KAZN: variants seen among roughly 807,000 people sequenced by gnomAD.
KAZN encodes kazrin, periplakin interacting protein, also known as kazrin.
A neutral mutation model predicts 87.4 loss-of-function variants in KAZN; 40 were observed. The observed-to-expected ratio is 0.46, with a 90% confidence interval of 0.36 to 0.60. The LOEUF is 0.60. Among genes scored for constraint, KAZN ranks in the 20% least tolerant of loss-of-function variants. The probability of loss-of-function intolerance (pLI) is 0.00; values close to 1 mark genes in which losing one functional copy is unlikely to be tolerated. For missense variants in KAZN, 898 were observed against 1,073.9 expected (o/e 0.84, Z 2.29); for synonymous variants, 466 against 458.3 (o/e 1.02, Z -0.22).
At chr1:14,776,160 C>T (rs932677717) in intron 1 of KAZN, among the ~76,000 whole-genome samples, 2 of 152,194 alleles carry the variant, frequency 1.3e-5, no homozygotes, top group African/African-American at 2.4e-5. Context: ...CAGGCTACCA[C>T]GCCTGGCTAA....
At chr1:14,645,643 T>G (rs1680752625) in intron 1 of KAZN, among the ~76,000 whole-genome samples, 1 of 152,212 alleles carries the variant, frequency 6.6e-6, no homozygotes, top group Admixed American at 6.5e-5. Context: ...AAGGAACTTT[T>G]GGGCCAAGAC....
chr1:14,163,532 G>T (rs1048209267), intron 1 of KAZN, among the ~76,000 whole-genome samples: 7 of 152,134 alleles, frequency 4.6e-5, no homozygotes, highest in Non-Finnish European at 1.0e-4. Context: ...CCACCATTTT[G>T]CTTCTTAGTG....
intron 2 of KAZN, among the ~76,000 whole-genome samples, chr1:14,450,333 A>C: frequency 6.6e-6 from 1 of 152,222 alleles, no homozygotes; most frequent in East Asian, 1.9e-4. Context: ...TCATGCCTGT[A>C]ATCCCAACAC....
At chr1:14,514,614 TA>T (rs869286721) in intron 2 of KAZN, among the ~76,000 whole-genome samples, 127 of 37,018 alleles carry the variant, frequency 3.4e-3, no homozygotes, top group African/African-American at 0.011. Context: ...TATATATATA[TA>T]TATATATATA....
chr1:15,092,999 T>C (rs946280597), intron 8 of KAZN, among the ~76,000 whole-genome samples: 2 of 152,064 alleles, frequency 1.3e-5, no homozygotes, highest in African/African-American at 4.8e-5. Flanking sequence ...TGGGTTCCAT[T>C]TATCCTACGA....
At chr1:13,990,591 T>C (rs1639231806) in intron 1 of KAZN, among the ~76,000 whole-genome samples, 1 of 152,176 alleles carries the variant, frequency 6.6e-6, no homozygotes. Context: ...CTCTATATTT[T>C]GATAGAGGTT....
At chr1:14,603,766 G>T (rs374424743) in intron 1 of KAZN, among the ~76,000 whole-genome samples, 5 of 152,072 alleles carry the variant, frequency 3.3e-5, no homozygotes, top group Middle Eastern at 3.2e-3. Flanking sequence ...AAGACTGTTG[G>T]CACTTTTTAG....
intron 2 of KAZN, among the ~76,000 whole-genome samples, chr1:14,999,899 C>G (rs1483701150): frequency 6.6e-6 from 1 of 152,164 alleles, no homozygotes; most frequent in Non-Finnish European, 1.5e-5. Context: ...GGTCTTGACC[C>G]CAGGGCAGGG....
intron 2 of KAZN, among the ~76,000 whole-genome samples, chr1:14,311,982 T>G (rs1655337676): frequency 6.6e-6 from 1 of 152,108 alleles, no homozygotes; most frequent in African/African-American, 2.4e-5. Context: ...AGAGAATTCT[T>G]ACTGGATATG....
intron 1 of KAZN, among the ~76,000 whole-genome samples, chr1:14,710,223 C>G (rs1042554759): frequency 6.6e-6 from 1 of 152,158 alleles, no homozygotes; most frequent in Admixed American, 6.5e-5. Flanking sequence ...CAGAATTTAC[C>G]CATTTCCCCC....
intron 2 of KAZN, among the ~76,000 whole-genome samples, chr1:14,317,568 A>G (rs771549165): frequency 6.6e-6 from 1 of 151,854 alleles, no homozygotes; most frequent in South Asian, 2.1e-4. Context: ...TTATTTTGCT[A>G]TGTGTTTTCT....
At chr1:14,478,515 TC>T (rs1472763139) in intron 2 of KAZN, among the ~76,000 whole-genome samples, 1 of 152,158 alleles carries the variant, frequency 6.6e-6, no homozygotes, top group African/African-American at 2.4e-5. Context: ...GACAACCTAT[TC>T]CTACAAATGC....
rs535492335 is a variant in KAZN, at chr1:15,021,286, A to C, written c.419-13463A>C. The stretch of plus-strand genomic sequence containing the variant: ...CACACCCACACAAGCCTTTAAAAAT[A>C]GTCCTCGTTGTGTGGGGCATGGGGC... On this transcript the variant is annotated intron_variant, in intron 2 of 14. Coordinates refer to ENST00000376030, the MANE Select transcript of KAZN (RefSeq NM_201628.3). The surrounding 1 kb of genome is among the most constrained non-coding windows in gnomAD (Gnocchi z 4.2). Among the ~76,000 whole-genome samples, 1 of 152,290 alleles carries C rather than the reference A, an allele frequency of 6.6e-6. No individual in the cohort carries two copies. Among genetic ancestry groups the C allele is most frequent in the East Asian group, 1.9e-4 (1 of 5,172 alleles).
At chr1:14,096,461 C>G (rs1165266509) in intron 1 of KAZN, among the ~76,000 whole-genome samples, 1 of 152,200 alleles carries the variant, frequency 6.6e-6, no homozygotes, top group Non-Finnish European at 1.5e-5. Flanking sequence ...CCTTCCATGG[C>G]TCACCACCTG....
intron 1 of KAZN, among the ~76,000 whole-genome samples, chr1:14,951,435 G>T (rs1026769102): frequency 6.7e-6 from 1 of 149,664 alleles, no homozygotes; most frequent in Non-Finnish European, 1.5e-5. Context: ...GAGAGTCATT[G>T]TGTCTCTGTC....
intron 1 of KAZN, among the ~76,000 whole-genome samples, chr1:14,008,570 C>T (rs1386361270): frequency 6.6e-6 from 1 of 152,172 alleles, no homozygotes; most frequent in African/African-American, 2.4e-5. Flanking sequence ...GGGTCTTAAT[C>T]TTAGTGAGCA....
intron 2 of KAZN, among the ~76,000 whole-genome samples, chr1:14,258,390 A>ATTTTTTT (rs760768355): frequency 1.4e-4 from 17 of 125,498 alleles, no homozygotes; most frequent in African/African-American, 2.4e-4. Flanking sequence ...TAAATTTTGT[A>ATTTTTTT]TTTTTTTTTT....
At chr1:14,231,858 A>G (rs1647886095) in intron 2 of KAZN, among the ~76,000 whole-genome samples, 1 of 152,164 alleles carries the variant, frequency 6.6e-6, no homozygotes, top group Non-Finnish European at 1.5e-5. Flanking sequence ...TGATCAGCAA[A>G]TAACTTTCCT....
chr1:14,544,605 G>A (rs1258697303), intron 2 of KAZN, among the ~76,000 whole-genome samples: 2 of 151,786 alleles, frequency 1.3e-5, no homozygotes, highest in African/African-American at 4.8e-5. Context: ...ACTTTTCTTT[G>A]TGCCAGAGGT....
Sources: allele counts gnomAD v4.1 joint callset (sites outside exome capture counted in the v4.1 genomes callset), GRCh38; gene constraint gnomAD v4.1.1; non-coding constraint Gnocchi (gnomAD v3.1); transcripts MANE v1.5; gene names NCBI Gene and HGNC (gene_info 2026-07-23, HGNC 2026-07-21).